The following CAMK1D variants were observed in gnomAD, a reference collection of about 807,000 sequenced individuals.
CAMK1D encodes calcium/calmodulin-dependent protein kinase type 1D.
In CAMK1D, 9 loss-of-function variants were observed where a neutral mutation model predicts 47.7. The observed-to-expected ratio is 0.19, with a 90% CI of 0.11 to 0.33. The LOEUF (loss-of-function observed/expected upper bound fraction) is 0.33. Ranked by LOEUF, CAMK1D falls within the 10% of genes least tolerant of loss-of-function variation. The pLI is 1.00. For missense variants in CAMK1D, 291 were observed against 488.7 expected, an observed-to-expected ratio of 0.60 and a Z score of 3.81; for synonymous variants, 184 against 184.9, an observed-to-expected ratio of 0.99 and a Z score of 0.04.
At position 12,464,198 on chromosome 10, in the gene CAMK1D, G is replaced by A. The variant is rs761672161; in HGVS notation, c.93-89027G>A. Among the ~76,000 whole-genome samples the A allele has an allele frequency of 3.4e-4, 51 of 152,078 alleles. 1 individual carries two copies. The highest frequency in any genetic ancestry group is 6.3e-4 in the Non-Finnish European group (43 of 68,028). On this transcript the variant is annotated intron_variant, in intron 1 of 10. Transcript: ENST00000619168. ...TGGCTGTTGGTCCCCTCTTTGTCCCGTGGTTGTTGAGTGACTAGGTAAGAA... is the reference window on the plus strand; with the variant it reads ...TGGCTGTTGGTCCCCTCTTTGTCCCATGGTTGTTGAGTGACTAGGTAAGAA...
chr10:12,408,213 G>C (rs1468749335), intron 1 of CAMK1D, among the ~76,000 whole-genome samples: 3 of 150,830 alleles, frequency 2.0e-5, no homozygotes, highest in Middle Eastern at 3.4e-3. Context: ...CCAGCCTGGA[G>C]TGCAGTGGCA....
At chr10:12,456,348 G>A (rs1413823076) in intron 1 of CAMK1D, 7 of 151,892 alleles carry the variant, frequency 4.6e-5, no homozygotes, top group Non-Finnish European at 8.8e-5. Flanking sequence ...TTTGAGAGGG[G>A]CTGTTTTCTT....
At chr10:12,567,978 G>T (rs1371998212) in intron 2 of CAMK1D, among the ~76,000 whole-genome samples, 2 of 151,732 alleles carry the variant, frequency 1.3e-5, no homozygotes, top group Non-Finnish European at 2.9e-5. Context: ...ATGGCACATT[G>T]TAGGTGGGGG....
At chr10:12,501,284 A>G (rs912722738) in intron 1 of CAMK1D, among the ~76,000 whole-genome samples, 2 of 152,200 alleles carry the variant, frequency 1.3e-5, no homozygotes, top group Non-Finnish European at 2.9e-5. Flanking sequence ...GAGCCCTTGT[A>G]TATTCAGAGC....
At chr10:12,762,915 C>T (rs1023198873) in intron 4 of CAMK1D, among the ~76,000 whole-genome samples, 3 of 152,210 alleles carry the variant, frequency 2.0e-5, no homozygotes, top group Non-Finnish European at 4.4e-5. Flanking sequence ...TCTCTCTGAA[C>T]ACGTTCGTGT....
At chr10:12,391,756 G>T (rs1460592317) in intron 1 of CAMK1D, among the ~76,000 whole-genome samples, 1 of 152,108 alleles carries the variant, frequency 6.6e-6, no homozygotes, top group Non-Finnish European at 1.5e-5. Flanking sequence ...CACTGTAATG[G>T]CAAGCATAAG....
At position 12,689,446 on chromosome 10, in the gene CAMK1D, C is replaced by A. The variant is rs528660205; in HGVS notation, c.299+22636C>A. ...GAACAGAAAACTCAGGTAAAAGTAC[C>A]CGTGAAGTGGTTTTCTCACAAGAGT... On this transcript the variant is annotated intron_variant, in intron 3 of 10. Transcript: ENST00000619168. Among the ~76,000 whole-genome samples, 77 of 152,196 alleles carry A rather than the reference C, an allele frequency of 5.1e-4. 1 individual carries two copies. Among genetic ancestry groups the A allele is most frequent in the African/African-American group, 1.8e-3 (73 of 41,538 alleles).
At chr10:12,730,169 T>G (rs1301424864) in intron 3 of CAMK1D, among the ~76,000 whole-genome samples, 1 of 152,144 alleles carries the variant, frequency 6.6e-6, no homozygotes, top group Non-Finnish European at 1.5e-5. Flanking sequence ...AGTTAGGATG[T>G]GTTTTAGGCC....
At chr10:12,413,538 T>C in intron 1 of CAMK1D, among the ~76,000 whole-genome samples, 1 of 152,274 alleles carries the variant, frequency 6.6e-6, no homozygotes, top group African/African-American at 2.4e-5. Flanking sequence ...GTGATGATGA[T>C]GAGTATGATG....
chr10:12,586,678 C>T (rs912438969), intron 2 of CAMK1D, among the ~76,000 whole-genome samples: 1 of 152,052 alleles, frequency 6.6e-6, no homozygotes, highest in Non-Finnish European at 1.5e-5. Flanking sequence ...CTGCTGCCCC[C>T]TCACCAGACC....
intron 1 of CAMK1D, among the ~76,000 whole-genome samples, chr10:12,457,058 C>T (rs992451439): frequency 1.5e-4 from 23 of 152,066 alleles, no homozygotes; most frequent in Admixed American, 1.0e-3. Context: ...TGTGTATCGA[C>T]AGTGGAACGC....
intron 1 of CAMK1D, among the ~76,000 whole-genome samples, chr10:12,551,504 C>T (rs1024498327): frequency 6.6e-6 from 1 of 152,134 alleles, no homozygotes; most frequent in African/African-American, 2.4e-5. Context: ...CCTATAATCC[C>T]AGCACTTTGG....
At chr10:12,678,944 G>A (rs892349136) in intron 3 of CAMK1D, among the ~76,000 whole-genome samples, 1 of 152,032 alleles carries the variant, frequency 6.6e-6, no homozygotes, top group African/African-American at 2.4e-5. Flanking sequence ...TGTATTTTTA[G>A]TAGAGACAGG....
rs1588786589 is a variant in CAMK1D, at chr10:12,685,047, CGCCAACACTTTGGGAG to C, written c.299+18241_299+18256del. Among the ~76,000 whole-genome samples, 3 of 150,126 alleles carry C rather than the reference CGCCAACACTTTGGGAG, an allele frequency of 2.0e-5. No individual in the cohort carries two copies. The East Asian group carries it at 5.8e-4, about 29-fold the overall frequency. On this transcript the variant is annotated intron_variant, in intron 3 of 10. Transcript: ENST00000619168. ...ATTACTGGCTGGGCGCGGTGGCTCA[CGCCAACACTTTGGGAG>C]GCCGAGGTGGGTGAATCATTTGAGG...
chr10:12,508,651 G>A (rs1588568531), intron 1 of CAMK1D, among the ~76,000 whole-genome samples: 1 of 152,280 alleles, frequency 6.6e-6, no homozygotes, highest in African/African-American at 2.4e-5. Flanking sequence ...AATTTTATGT[G>A]ACATATATTT....
chr10:12,491,594 C>A (rs189918976), intron 1 of CAMK1D, among the ~76,000 whole-genome samples: 1 of 152,160 alleles, frequency 6.6e-6, no homozygotes, highest in East Asian at 1.9e-4. Flanking sequence ...AGGCAGTGGG[C>A]AGGTTGTGCC....
intron 10 of CAMK1D, among the ~76,000 whole-genome samples, chr10:12,827,256 CTTTT>C (rs1325051939): frequency 3.3e-5 from 4 of 122,780 alleles, no homozygotes; most frequent in South Asian, 3.2e-4. Context: ...TTCTTTCTTT[CTTTT>C]TCTTTCCTTC....
intron 1 of CAMK1D, among the ~76,000 whole-genome samples, 160 bp downstream of exon 1, chr10:12,350,070 C>T (rs1837304506): frequency 6.6e-6 from 1 of 151,810 alleles, no homozygotes; most frequent in African/African-American, 2.4e-5. Context: ...CGAGCGCGCC[C>T]GACGCGTGGG....
At chr10:12,698,919 C>T (rs1833403022) in intron 3 of CAMK1D, among the ~76,000 whole-genome samples, 1 of 152,042 alleles carries the variant, frequency 6.6e-6, no homozygotes, top group Non-Finnish European at 1.5e-5. Context: ...GATCTGCCTA[C>T]CTCAGCCTCC....
Sources: gnomAD v4.1 joint callset for allele counts (sites outside exome capture counted in the v4.1 genomes callset) on GRCh38, gnomAD v4.1.1 for gene constraint, MANE v1.5 for transcripts, NCBI Gene and HGNC (gene_info 2026-07-23, HGNC 2026-07-21) for gene names.